Variants in NOL4 observed in about 807,000 individuals in gnomAD.
The protein encoded by NOL4 is nucleolar protein 4.
Under a neutral mutation model 75.9 loss-of-function variants are expected in NOL4, and 17 were observed. That is an observed-to-expected ratio of 0.22 (90% CI 0.15 to 0.34). The LOEUF is 0.34. Among genes scored for constraint, NOL4 ranks in the 10% least tolerant of loss-of-function variants. NOL4 has a pLI of 1.00. For missense variants in NOL4, 614 were observed against 793.5 expected, an observed-to-expected ratio of 0.77 and a Z score of 2.72; for synonymous variants, 292 against 289.9, an observed-to-expected ratio of 1.01 and a Z score of -0.07.
intron 6 of NOL4, among the ~76,000 whole-genome samples, chr18:34,006,123 A>C (rs2074013998): frequency 6.6e-6 from 1 of 152,070 alleles, no homozygotes; most frequent in South Asian, 2.1e-4. Context: ...TCAGTCTTTA[A>C]TAGGGCACCA....
At chr18:34,048,055 T>C (rs1473790230) in intron 5 of NOL4, among the ~76,000 whole-genome samples, 1 of 152,144 alleles carries the variant, frequency 6.6e-6, no homozygotes, top group Non-Finnish European at 1.5e-5. Context: ...TGAAATTTCA[T>C]CACTTTTGGT....
At chr18:34,165,841 TAAC>T (rs995335538) in intron 1 of NOL4, among the ~76,000 whole-genome samples, 1 of 152,112 alleles carries the variant, frequency 6.6e-6, no homozygotes, top group Admixed American at 6.5e-5. Flanking sequence ...AATTGAATAA[TAAC>T]AATACTATAT....
chr18:34,188,210 A>G (rs972913093), intron 1 of NOL4, among the ~76,000 whole-genome samples: 3 of 152,202 alleles, frequency 2.0e-5, no homozygotes, highest in Non-Finnish European at 2.9e-5. Flanking sequence ...ACTTGCCACT[A>G]AAATAATTGT....
At chr18:34,081,079 A>C (rs1405297272) in intron 5 of NOL4, among the ~76,000 whole-genome samples, 1 of 152,212 alleles carries the variant, frequency 6.6e-6, no homozygotes, top group Non-Finnish European at 1.5e-5. Flanking sequence ...TGGCCTATTT[A>C]CAGATTCACA....
intron 6 of NOL4, among the ~76,000 whole-genome samples, chr18:33,964,099 G>A (rs1172808478): frequency 2.0e-5 from 3 of 152,148 alleles, no homozygotes; most frequent in Admixed American, 2.0e-4. Context: ...GAGTTTATAT[G>A]TTCATATTCC....
intron 1 of NOL4, among the ~76,000 whole-genome samples, chr18:34,172,756 C>A (rs2033169416): frequency 6.6e-6 from 1 of 152,026 alleles, no homozygotes; most frequent in African/African-American, 2.4e-5. Context: ...CAGCATTTCC[C>A]CAATGATTAG....
intron 5 of NOL4, among the ~76,000 whole-genome samples, chr18:34,020,335 T>C (rs28483693): frequency 1.7e-3 from 255 of 152,324 alleles, no homozygotes; most frequent in African/African-American, 6.0e-3. Flanking sequence ...CAAATTGTTT[T>C]TGTTTTTCCA....
intron 1 of NOL4, among the ~76,000 whole-genome samples, chr18:34,180,514 A>G (rs1260680666): frequency 6.6e-6 from 1 of 151,610 alleles, no homozygotes; most frequent in Non-Finnish European, 1.5e-5. Flanking sequence ...CAAAAAACCA[A>G]CAAGTAACAT....
intron 2 of NOL4, among the ~76,000 whole-genome samples, chr18:34,113,039 C>T (rs906655796): frequency 6.6e-6 from 1 of 152,302 alleles, no homozygotes; most frequent in Admixed American, 6.5e-5. Context: ...AATCACAGCT[C>T]ACTGTAGACT....
chr18:34,000,721 G>A (rs894142025), intron 6 of NOL4, among the ~76,000 whole-genome samples: 2 of 152,042 alleles, frequency 1.3e-5, no homozygotes, highest in Admixed American at 6.6e-5. Context: ...ACTTGATAAT[G>A]TCTCTTCCAT....
At chr18:34,211,988 GAACA>G (rs902407028) in intron 1 of NOL4, among the ~76,000 whole-genome samples, 95 of 152,000 alleles carry the variant, frequency 6.3e-4, no homozygotes, top group African/African-American at 2.2e-3. Context: ...TAATAAATGA[GAACA>G]AATATTATAT....
At position 34,119,853 on chromosome 18, in the gene NOL4, A is replaced by T. The variant is rs540779345; in HGVS notation, c.414+10018T>A. 6.6e-4 allele frequency among the ~76,000 whole-genome samples: 100 copies of T among 151,896 alleles called. 2 individuals are homozygous for T. The highest frequency in any genetic ancestry group is 2.4e-3 in the African/African-American group (100 of 41,434). ...TAGCCAGGATGGTCTGGATCTCCTG[A>T]CCTCGTGATCCACCCGCCTCGGCCT... On this transcript the variant is annotated intron_variant, in intron 2 of 10. Coordinates refer to ENST00000261592, the MANE Select transcript of NOL4 (RefSeq NM_003787.5).
At chr18:33,899,533 C>G (rs2065623937) in intron 9 of NOL4, among the ~76,000 whole-genome samples, 1 of 152,152 alleles carries the variant, frequency 6.6e-6, no homozygotes, top group Non-Finnish European at 1.5e-5. Context: ...GAATTCCTGG[C>G]TATGTCCCTA....
chr18:33,968,237 G>C (rs189604504), intron 6 of NOL4, among the ~76,000 whole-genome samples: 4 of 152,254 alleles, frequency 2.6e-5, no homozygotes, highest in Admixed American at 2.6e-4. Context: ...TTCTCAAAGA[G>C]CTTAAAACAG....
chr18:34,149,263 A>G (rs1409289649), intron 1 of NOL4, among the ~76,000 whole-genome samples: 1 of 151,728 alleles, frequency 6.6e-6, no homozygotes, highest in African/African-American at 2.4e-5. Flanking sequence ...TCTGGTGTCC[A>G]TAGCCAACAA....
intron 10 of NOL4, among the ~76,000 whole-genome samples, chr18:33,871,178 T>C (rs2144493995): frequency 6.6e-6 from 1 of 152,212 alleles, no homozygotes; most frequent in Non-Finnish European, 1.5e-5. Context: ...GTTAGCATAA[T>C]AATTGTCATC....
intron 1 of NOL4, among the ~76,000 whole-genome samples, chr18:34,164,726 C>A (rs1423710711): frequency 1.3e-5 from 2 of 151,980 alleles, no homozygotes. Context: ...TTTGACCCAG[C>A]CATCCCATTA....
At chr18:34,045,957 ACT>A (rs1373220336) in intron 5 of NOL4, among the ~76,000 whole-genome samples, 1 of 152,018 alleles carries the variant, frequency 6.6e-6, no homozygotes, top group Non-Finnish European at 1.5e-5. Flanking sequence ...AGTTTTAGAA[ACT>A]CTCCTTAGTT....
At chr18:34,046,622 A>ATATATATATATATATATATATC (rs2076387527) in intron 5 of NOL4, among the ~76,000 whole-genome samples, 1 of 134,924 alleles carries the variant, frequency 7.4e-6, no homozygotes, top group Non-Finnish European at 1.6e-5. Flanking sequence ...ATATATATAT[A>ATATATATATATATATATATATC]TATATATATA....
Sources: allele counts gnomAD v4.1 joint callset (sites outside exome capture counted in the v4.1 genomes callset), GRCh38; gene constraint gnomAD v4.1.1; transcripts MANE v1.5; gene names NCBI Gene and HGNC (gene_info 2026-07-23, HGNC 2026-07-21).